TNNI3K: variants seen among roughly 807,000 people sequenced by gnomAD.
The protein encoded by TNNI3K is TNNI3 interacting kinase, also known as serine/threonine-protein kinase TNNI3K.
A neutral mutation model predicts 114.5 loss-of-function variants in TNNI3K; 140 were observed. The ratio of observed to expected loss-of-function variants is 1.22; its 90% CI spans 1.07 to 1.41. TNNI3K has a LOEUF of 1.41. Among genes scored for constraint, TNNI3K ranks in the 40% most tolerant of loss-of-function variants. The pLI is 0.00. For missense variants in TNNI3K, 1,125 were observed against 1,007.6 expected (o/e 1.12, Z -1.58); for synonymous variants, 347 against 347.5 (o/e 1.00, Z 0.02).
chr1:74,478,145 C>A (rs1485596052), intron 21 of TNNI3K, among the ~76,000 whole-genome samples: 1 of 152,124 alleles, frequency 6.6e-6, no homozygotes, highest in Non-Finnish European at 1.5e-5. Flanking sequence ...ATAGATAACT[C>A]ACCACACGTG....
chr1:74,324,932 C>T (rs1173805462), intron 5 of TNNI3K, among the ~76,000 whole-genome samples: 1 of 151,956 alleles, frequency 6.6e-6, no homozygotes, highest in Non-Finnish European at 1.5e-5. Flanking sequence ...TGTAGGAGAT[C>T]GATCAGAGTG....
chr1:74,320,645 A>G (rs192893514), intron 5 of TNNI3K, among the ~76,000 whole-genome samples: 2 of 152,230 alleles, frequency 1.3e-5, no homozygotes, highest in Non-Finnish European at 1.5e-5. Flanking sequence ...TTTTTGTTTT[A>G]TATTCCAGCT....
chr1:74,507,241 T>C (rs45579538), intron 23 of TNNI3K, among the ~76,000 whole-genome samples: 1 of 138,378 alleles, frequency 7.2e-6, no homozygotes, highest in Non-Finnish European at 1.6e-5. Flanking sequence ...CCCATCTTTT[T>C]AACACAAAAA....
chr1:74,339,191 C>T (rs1660630644), intron 7 of TNNI3K, among the ~76,000 whole-genome samples: 1 of 152,118 alleles, frequency 6.6e-6, no homozygotes. Context: ...CCCTTACATA[C>T]CAGCATCATA....
chr1:74,488,765 A>T lies in TNNI3K; in HGVS notation c.2122-424A>T, dbSNP rs147542104. Among the ~76,000 whole-genome samples, 86 of 152,292 alleles carry T rather than the reference A, an allele frequency of 5.6e-4. 1 individual carries two copies. Among genetic ancestry groups the T allele is most frequent in the African/African-American group, 2.0e-3 (83 of 41,566 alleles). Reference sequence around the variant, plus strand: ...TCATCTTAGTTTTGAATCTGAGATGATCTTTTCAAAAGTGAAGTTCATTAT... The same window carrying T: ...TCATCTTAGTTTTGAATCTGAGATGTTCTTTTCAAAAGTGAAGTTCATTAT... On this transcript the variant is annotated intron_variant, in intron 21 of 24. Coordinates refer to ENST00000326637, the MANE Select transcript of TNNI3K (RefSeq NM_015978.3).
At chr1:74,438,875 A>T (rs1326220658) in intron 19 of TNNI3K, among the ~76,000 whole-genome samples, 1 of 152,118 alleles carries the variant, frequency 6.6e-6, no homozygotes, top group African/African-American at 2.4e-5. Context: ...TAAATAGCAC[A>T]TCTGGGCAGA....
chr1:74,330,794 T>A (rs951029075), intron 5 of TNNI3K, among the ~76,000 whole-genome samples: 7 of 152,192 alleles, frequency 4.6e-5, no homozygotes, highest in African/African-American at 1.7e-4. Context: ...GGGTTTTTCA[T>A]TTGTTCATTC....
At chr1:74,289,487 T>TTA (rs1570423862) in intron 5 of TNNI3K, among the ~76,000 whole-genome samples, 1 of 2,474 alleles carries the variant, frequency 4.0e-4, no homozygotes. Flanking sequence ...ATAGGTAGTG[T>TTA]CATTAGTCTT....
At chr1:74,541,337 G>A (rs148494488) in intron 24 of TNNI3K, among the ~76,000 whole-genome samples, 55 of 152,130 alleles carry the variant, frequency 3.6e-4, no homozygotes, top group African/African-American at 1.3e-3. Flanking sequence ...AAACTATTTG[G>A]GCACATTTAA....
chr1:74,342,872 CA>C lies in TNNI3K; in HGVS notation c.714del (p.Leu239SerfsTer12). ...VNAQDNEDHV[P>X]LHFCSRFGHH... Reference sequence around the variant, plus strand: ...GCTCAAGATAATGAAGACCATGTCCCACTCCATTTCTGTTCTCGATTTGGAC... The same window carrying C: ...GCTCAAGATAATGAAGACCATGTCCCCTCCATTTCTGTTCTCGATTTGGAC... On this transcript the variant is annotated frameshift_variant, in exon 8 of 25. Coordinates refer to ENST00000326637, the MANE Select transcript of TNNI3K (RefSeq NM_015978.3). LOFTEE classifies it high-confidence loss of function. 6.2e-7 allele frequency: 1 copy of C among 1,613,720 alleles called. No homozygotes were observed. Among genetic ancestry groups the C allele is most frequent in the Non-Finnish European group, 8.5e-7 (1 of 1,179,830 alleles).
chr1:74,454,787 C>A (rs539146518), intron 20 of TNNI3K, among the ~76,000 whole-genome samples: 1 of 152,028 alleles, frequency 6.6e-6, no homozygotes, highest in South Asian at 2.1e-4. Context: ...TTTTGAGAAA[C>A]CTCCATGCTG....
intron 24 of TNNI3K, among the ~76,000 whole-genome samples, chr1:74,542,268 G>A (rs1646736433): frequency 6.6e-6 from 1 of 152,144 alleles, no homozygotes; most frequent in Non-Finnish European, 1.5e-5. Context: ...GGGGCAAGAG[G>A]CACTGGAACA....
chr1:74,433,892 G>C (rs1666006649), intron 17 of TNNI3K, among the ~76,000 whole-genome samples: 1 of 151,988 alleles, frequency 6.6e-6, no homozygotes, highest in African/African-American at 2.4e-5. Flanking sequence ...TTGCTCTTTA[G>C]TTAGAAGACA....
chr1:74,433,985 G>T (rs946895919), intron 17 of TNNI3K, among the ~76,000 whole-genome samples: 1 of 151,864 alleles, frequency 6.6e-6, no homozygotes, highest in African/African-American at 2.4e-5. Flanking sequence ...TCCCAGATAG[G>T]CTCCCAGATA....
At position 74,336,148 on chromosome 1, in the gene TNNI3K, T is replaced by C. The variant is rs757108060; in HGVS notation, c.681T>C (p.Asp227=). Residue 227 remains aspartate (D), a splice_region_variant and synonymous_variant, in exon 7 of 25, where the codon GAT becomes GAC. Transcript: ENST00000326637. ...KLLMEEGSKA[D]VNAQDNEDHV... ...TGATGGAAGAAGGCAGCAAAGCAGA[T>C]GGTAAGATTATATATTTAAAAGACC... 1.3e-5 allele frequency: 20 copies of C among 1,597,296 alleles called. No homozygotes were observed. The East Asian group carries it at 3.8e-4, about 30-fold the overall frequency.
At chr1:74,514,241 C>T (rs1221594395) in intron 23 of TNNI3K, among the ~76,000 whole-genome samples, 1 of 152,120 alleles carries the variant, frequency 6.6e-6, no homozygotes, top group Non-Finnish European at 1.5e-5. Flanking sequence ...TACATTCTGA[C>T]CAAAATGCTA....
At position 74,483,486 on chromosome 1, in the gene TNNI3K, A is replaced by G. The variant is rs751687751; in HGVS notation, c.2122-5703A>G. On this transcript the variant is annotated intron_variant, in intron 21 of 24. Transcript: ENST00000326637. ...TGGTAATTTCTACTGTTCAATGAGC[A>G]TCTTGGTGTTCTCTTAAGATGCCAG... The G allele has an allele frequency of 8.9e-5, 49 of 552,890 alleles. 1 individual carries two copies. Among genetic ancestry groups the G allele is most frequent in the Non-Finnish European group, 1.5e-4 (45 of 302,466 alleles). The allele number at this position is 552,890 out of a possible 1,614,324, so 34.2% of individuals were successfully genotyped here.
intron 4 of TNNI3K, among the ~76,000 whole-genome samples, chr1:74,268,953 T>C (rs1486496523): frequency 6.6e-6 from 1 of 151,994 alleles, no homozygotes; most frequent in Non-Finnish European, 1.5e-5. Context: ...TTATACATCT[T>C]TGACCTCATC....
chr1:74,484,815 T>C (rs1300063900), intron 21 of TNNI3K, among the ~76,000 whole-genome samples: 3 of 152,182 alleles, frequency 2.0e-5, no homozygotes, highest in Non-Finnish European at 2.9e-5. Context: ...TTGGAGGCTA[T>C]AGTGAGTGGC....
Sources: gnomAD v4.1 joint callset for allele counts (sites outside exome capture counted in the v4.1 genomes callset) on GRCh38, gnomAD v4.1.1 for gene constraint, MANE v1.5 for transcripts, NCBI Gene and HGNC (gene_info 2026-07-23, HGNC 2026-07-21) for gene names.